The following MAP3K15 variants were observed in gnomAD, a reference collection of about 807,000 sequenced individuals.
The protein encoded by MAP3K15 is MAPK/ERK kinase kinase 15.
In MAP3K15, 124 loss-of-function variants were observed where a neutral mutation model predicts 99.5. The ratio of observed to expected loss-of-function variants is 1.25; its 90% confidence interval spans 1.08 to 1.45. The LOEUF is 1.45. MAP3K15 is among the 40% of genes most tolerant of loss of function. The pLI, the probability that MAP3K15 is intolerant of heterozygous loss-of-function variation, is 0.00. For synonymous variants in MAP3K15, 494 were observed against 439.6 expected (o/e 1.12, Z -1.55); for missense variants, 1,242 against 1,079.7 (o/e 1.15, Z -2.11).
chrX:19,434,104 T>C (rs1230472799), intron 6 of MAP3K15, among the ~76,000 whole-genome samples: 1 of 112,654 alleles, frequency 8.9e-6, no homozygotes, highest in Non-Finnish European at 1.9e-5. Flanking sequence ...TCTGTAAGGA[T>C]ACATATTAAA....
intron 1 of MAP3K15, among the ~76,000 whole-genome samples, chrX:19,490,140 TAC>T (rs59202439): frequency 0.064 from 5,887 of 92,136 alleles, 189 homozygotes; most frequent in African/African-American, 0.11. Flanking sequence ...ATAGGCATTA[TAC>T]ACACACACAC....
chrX:19,464,173 G>T, intron 4 of MAP3K15, 40 bp downstream of exon 4: 1 of 1,091,846 alleles, frequency 9.2e-7, no homozygotes, highest in Non-Finnish European at 1.2e-6. Flanking sequence ...GGGACATCTT[G>T]GTGAGTCTCC....
At chrX:19,452,373 A>G (rs1450049904) in intron 6 of MAP3K15, among the ~76,000 whole-genome samples, 1 of 54,050 alleles carries the variant, frequency 1.9e-5, no homozygotes, top group Non-Finnish European at 3.0e-5. Context: ...AGAGAAGAGA[A>G]GAGAGAAAAG....
intron 18 of MAP3K15, among the ~76,000 whole-genome samples, chrX:19,382,485 G>C (rs897006969): frequency 1.8e-5 from 2 of 111,762 alleles, no homozygotes; most frequent in African/African-American, 6.5e-5. Flanking sequence ...TTGAAATGTA[G>C]CTAGTGAGAC....
At chrX:19,379,046 G>C (rs932956506) in intron 19 of MAP3K15, among the ~76,000 whole-genome samples, 4 of 111,232 alleles carry the variant, frequency 3.6e-5, no homozygotes, top group Non-Finnish European at 5.7e-5. Context: ...GGAAACTAAG[G>C]GGCTGGATTC....
Position 19,395,140 on chromosome X carries a change from T to C in MAP3K15, c.2135A>G (p.Tyr712Cys), listed in dbSNP as rs753347190. 4 of 1,206,137 alleles carry C rather than the reference T, an allele frequency of 3.3e-6. No individual in the cohort carries two copies. In the East Asian group the frequency reaches 1.2e-4, roughly 36 times the overall value. Reference protein sequence around the residue: ...KYLKHRNIVQYLGSVSENGYI... With the variant: ...KYLKHRNIVQCLGSVSENGYI... ...GCCGTTCTCTGAAACAGAGCCCAGG[T>C]ACTGAACGATATTGCGGTGCTTAAG... The change falls in exon 16 of 29, where the codon TAC becomes TGC. Residue 712 changes from tyrosine to cysteine, a missense_variant. Coordinates refer to ENST00000338883, the MANE Select transcript of MAP3K15 (RefSeq NM_001001671.4).
chrX:19,435,262 G>A (rs5955782), intron 6 of MAP3K15, among the ~76,000 whole-genome samples: 4,526 of 107,127 alleles, frequency 0.042, 123 homozygotes, highest in South Asian at 0.12. Flanking sequence ...TTGAGACAGG[G>A]TCGCCCAGGC....
At position 19,464,252 on chromosome X, in the gene MAP3K15, C is replaced by T; in HGVS notation, c.680G>A (p.Arg227Lys). 1 of 1,200,050 alleles carries T rather than the reference C, an allele frequency of 8.3e-7. No individual in the cohort carries two copies. The change falls in exon 4 of 29, where the codon AGG becomes AAG. Residue 227 changes from arginine to lysine, a missense_variant. By Grantham distance (26) the Arg-to-Lys change is conservative. Coordinates refer to ENST00000338883, the MANE Select transcript of MAP3K15 (RefSeq NM_001001671.4). Reference protein sequence around the residue: ...LGPLCMPLVDRFISLLKDIHV... With the variant: ...LGPLCMPLVDKFISLLKDIHV... ...GATGTCCTTAAGGAGGCTAATGAAC[C>T]TGTCCACCAAAGGCATGCACAGCGG...
At chrX:19,457,525 T>C (rs1569231495) in intron 5 of MAP3K15, among the ~76,000 whole-genome samples, 1 of 111,539 alleles carries the variant, frequency 9.0e-6, no homozygotes, top group Non-Finnish European at 1.9e-5. Context: ...GGCAGGAGAA[T>C]TGATTGAACC....
chrX:19,369,297 A>C, intron 24 of MAP3K15, 78 bp from the exon 25 acceptor site: 2 of 1,127,520 alleles, frequency 1.8e-6, no homozygotes, highest in Non-Finnish European at 2.4e-6. Context: ...CCAGGTCAGC[A>C]AACCGGGCTG....
chrX:19,515,074 G>T lies in MAP3K15; in HGVS notation c.188C>A (p.Ala63Glu), dbSNP rs1314606733. 3.4e-6 allele frequency: 3 copies of T among 893,321 alleles called. No homozygotes were observed. The highest frequency in any genetic ancestry group is 2.9e-5 in the South Asian group (1 of 34,498). The allele number at this position is 893,321 out of a possible 1,213,427, so 73.6% of individuals were successfully genotyped here. ...SGGGPRRALRAVYVRSESSQG... is the reference protein window; with the variant it reads ...SGGGPRRALREVYVRSESSQG... ...GGAGCTCTCACTGCGCACGTATACT[G>T]CCCGCAGAGCCCGCCGCGGCCCGCC... The change falls in exon 1 of 29, where the codon GCA becomes GAA. Residue 63 changes from alanine to glutamate, a missense_variant. Transcript: ENST00000338883.
Position 19,415,078 on chromosome X carries a change from T to TA in MAP3K15, c.1590+28dup, listed in dbSNP as rs752356833. The TA allele has an allele frequency of 5.4e-4, 585 of 1,074,452 alleles. No individual in the cohort carries two copies. In the East Asian group the frequency reaches 8.6e-3, roughly 16 times the overall value. The allele number at this position is 1,074,452 out of a possible 1,213,427, so 88.5% of individuals were successfully genotyped here. Reference sequence around the variant, plus strand: ...CAATCCCTAGTTTTTTTCCTAATCTTAAAAAAAAATGGATTTAGCATATCT... The same window carrying TA: ...CAATCCCTAGTTTTTTTCCTAATCTTAAAAAAAAAATGGATTTAGCATATCT... On this transcript the variant is annotated intron_variant, in intron 10 of 28. Transcript: ENST00000338883.
intron 1 of MAP3K15, among the ~76,000 whole-genome samples, chrX:19,510,601 A>C (rs754170356): frequency 5.3e-5 from 6 of 112,520 alleles, no homozygotes; most frequent in Non-Finnish European, 1.1e-4. Flanking sequence ...TGAATGGGCA[A>C]AAGCTGGAAG....
At chrX:19,420,216 C>T (rs1379829579) in intron 9 of MAP3K15, among the ~76,000 whole-genome samples, 2 of 111,148 alleles carry the variant, frequency 1.8e-5, no homozygotes, top group African/African-American at 3.3e-5. Context: ...AATAGAGACA[C>T]AAAAAACCCT....
chrX:19,431,018 C>T (rs771931044), intron 7 of MAP3K15, among the ~76,000 whole-genome samples: 3 of 111,976 alleles, frequency 2.7e-5, no homozygotes, highest in Admixed American at 9.5e-5. Flanking sequence ...GCAGGATTCA[C>T]GTCCGTTGTG....
chrX:19,436,712 C>G (rs2063924874), intron 6 of MAP3K15, among the ~76,000 whole-genome samples: 1 of 111,512 alleles, frequency 9.0e-6, no homozygotes. Flanking sequence ...AGTCTCAACT[C>G]TGTCATCCAG....
chrX:19,368,170 G>C (rs890337598), intron 25 of MAP3K15, among the ~76,000 whole-genome samples: 1 of 106,801 alleles, frequency 9.4e-6, no homozygotes, highest in African/African-American at 3.4e-5. Context: ...TTCAGATGGA[G>C]TTTCTCTCAT....
At chrX:19,409,116 G>A (rs968750497) in intron 12 of MAP3K15, among the ~76,000 whole-genome samples, 1 of 111,491 alleles carries the variant, frequency 9.0e-6, no homozygotes, top group African/African-American at 3.3e-5. Flanking sequence ...TTTAAGTGAT[G>A]TTGATGGTAT....
rs73631336 is a variant in MAP3K15, at chrX:19,456,418, G to C, written c.995+495C>G. Among the ~76,000 whole-genome samples, 689 of 112,353 alleles carry C rather than the reference G, an allele frequency of 6.1e-3. 6 individuals are homozygous for C. Among genetic ancestry groups the C allele is most frequent in the African/African-American group, 0.021 (636 of 30,986 alleles). On this transcript the variant is annotated intron_variant, in intron 6 of 28. Coordinates refer to ENST00000338883, the MANE Select transcript of MAP3K15 (RefSeq NM_001001671.4). Reference sequence around the variant, plus strand: ...TCCGTTTATGTGAAGTCAAGGACAAGCCAAACTCATCTATGGAGACAGAGG... The same window carrying C: ...TCCGTTTATGTGAAGTCAAGGACAACCCAAACTCATCTATGGAGACAGAGG...
Sources: gnomAD v4.1 joint callset for allele counts (sites outside exome capture counted in the v4.1 genomes callset) on GRCh38, gnomAD v4.1.1 for gene constraint, MANE v1.5 for transcripts, NCBI Gene and HGNC (gene_info 2026-07-23, HGNC 2026-07-21) for gene names.